The following SIRT5 variants were observed in gnomAD, a reference collection of about 807,000 sequenced individuals.
The protein encoded by SIRT5 is NAD-dependent protein deacylase sirtuin-5, mitochondrial.
SIRT5 carries 26 observed loss-of-function variants against 40.0 expected under a neutral mutation model. The observed-to-expected ratio is 0.65, with a 90% CI of 0.48 to 0.90. SIRT5 has a LOEUF of 0.90. Ranked by LOEUF, SIRT5 falls within the 40% of genes least tolerant of loss-of-function variation. The pLI is 0.00. For missense variants in SIRT5, 401 were observed against 402.4 expected, an observed-to-expected ratio of 1.00 and a Z score of 0.03; for synonymous variants, 146 against 149.1, an observed-to-expected ratio of 0.98 and a Z score of 0.15.
At chr6:13,597,825 C>T (rs1022671053) in intron 7 of SIRT5, among the ~76,000 whole-genome samples, 3 of 151,980 alleles carry the variant, frequency 2.0e-5, no homozygotes, top group African/African-American at 7.3e-5. Context: ...GGATTACAGG[C>T]GTGAACCACT....
intron 9 of SIRT5, among the ~76,000 whole-genome samples, chr6:13,610,531 G>A (rs1039355098): frequency 1.3e-5 from 2 of 152,174 alleles, no homozygotes; most frequent in Non-Finnish European, 2.9e-5. Flanking sequence ...TCACACTCGG[G>A]GATGAGGTAT....
At position 13,614,920 on chromosome 6, in the gene SIRT5, C is replaced by T. The variant is rs1036939357; in HGVS notation, c.*3055C>T. The T allele has an allele frequency of 3.0e-5, 5 of 167,184 alleles. No individual in the cohort carries two copies. Among genetic ancestry groups the T allele is most frequent in the Admixed American group, 1.3e-4 (2 of 15,972 alleles). The allele number at this position is 167,184 out of a possible 1,614,324, so 10.4% of individuals were successfully genotyped here. On this transcript the variant is annotated 3_prime_UTR_variant, in exon 10 of 10. Transcript: ENST00000606117. ...CCTCCGAAGTGCGGAGCGAACGCAG[C>T]CAAATCTACACAAAGACTGACAAGC...
intron 7 of SIRT5, among the ~76,000 whole-genome samples, chr6:13,597,904 ATTAAT>A (rs1279162348): frequency 1.3e-5 from 2 of 152,204 alleles, no homozygotes; most frequent in African/African-American, 4.8e-5. Flanking sequence ...TTCATAGAAC[ATTAAT>A]TTAATGTTAC....
intron 1 of SIRT5, among the ~76,000 whole-genome samples, chr6:13,578,066 C>T (rs543469276): frequency 2.6e-5 from 4 of 152,128 alleles, no homozygotes; most frequent in Non-Finnish European, 5.9e-5. Flanking sequence ...GGTGATCATA[C>T]AGTTTTTGTC....
In SIRT5 at chr6:13,607,543, G is replaced by A. The variant is rs1197234829; in HGVS notation, c.858-4247G>A. Among the ~76,000 whole-genome samples the A allele has an allele frequency of 6.6e-6, 1 of 152,184 alleles. No individual in the cohort carries two copies. Among genetic ancestry groups the A allele is most frequent in the Non-Finnish European group, 1.5e-5 (1 of 68,028 alleles). ...CAGCAGGATGATTACATTAACCAAT[G>A]CAAGTGGCGTGAGCAGATGTGCAGC... On this transcript the variant is annotated intron_variant, in intron 9 of 9. Transcript: ENST00000606117. The surrounding 1 kb of genome is among the most constrained non-coding windows in gnomAD (Gnocchi z 4.0).
chr6:13,605,770 G>A (rs1217036691), intron 9 of SIRT5: 2 of 985,076 alleles, frequency 2.0e-6, no homozygotes, highest in Middle Eastern at 5.2e-4. Context: ...CTCAACCCCA[G>A]GGGGCCTTGG....
chr6:13,597,336 T>C (rs894736679), intron 7 of SIRT5, among the ~76,000 whole-genome samples: 1 of 149,256 alleles, frequency 6.7e-6, no homozygotes, highest in Admixed American at 6.8e-5. Context: ...CTGTAACTGG[T>C]CAAATAACAT....
chr6:13,581,390 A>C (rs1197167275), intron 2 of SIRT5, among the ~76,000 whole-genome samples: 1 of 152,224 alleles, frequency 6.6e-6, no homozygotes, highest in African/African-American at 2.4e-5. Context: ...GCATTTTCTC[A>C]TAACTAAATT....
intron 3 of SIRT5, 26 bp downstream of exon 3, chr6:13,584,251 C>A: frequency 6.6e-7 from 1 of 1,520,020 alleles, no homozygotes. Context: ...CATTGCCTCA[C>A]CTGCAGCCAA....
chr6:13,595,090 T>TCATG (rs1354992751), intron 5 of SIRT5, among the ~76,000 whole-genome samples: 4 of 152,192 alleles, frequency 2.6e-5, no homozygotes, highest in Non-Finnish European at 5.9e-5. Flanking sequence ...GGCACATTAG[T>TCATG]CATGGAGTTA....
rs181634670 is a variant in SIRT5, at chr6:13,600,777, A to G, written c.742-57A>G. 1.2e-3 allele frequency: 1,686 copies of G among 1,355,552 alleles called. 3 individuals carry two copies. The highest frequency in any genetic ancestry group is 1.6e-3 in the Non-Finnish European group (1,582 of 974,746). The allele number at this position is 1,355,552 out of a possible 1,614,324, so 84.0% of individuals were successfully genotyped here. ...AGTTTGTGTAAGGTTTTCTGAAATA[A>G]TGTTCCTTCTCCTTGTCGTCTGGCT... On this transcript the variant is annotated intron_variant, in intron 8 of 9. Transcript: ENST00000606117.
intron 9 of SIRT5, among the ~76,000 whole-genome samples, 169 bp downstream of exon 9, chr6:13,601,118 T>G (rs779658265): frequency 1.3e-4 from 20 of 152,228 alleles, no homozygotes; most frequent in Non-Finnish European, 2.2e-4. Flanking sequence ...CACTGTAGAC[T>G]AAGGTAGGGT....
chr6:13,610,717 C>G (rs1763722412), intron 9 of SIRT5, among the ~76,000 whole-genome samples: 1 of 152,198 alleles, frequency 6.6e-6, no homozygotes, highest in South Asian at 2.1e-4. Context: ...TAACCACATA[C>G]TGGCCTGGAA....
At chr6:13,587,984 T>C (rs1453678207) in intron 3 of SIRT5, among the ~76,000 whole-genome samples, 1 of 152,190 alleles carries the variant, frequency 6.6e-6, no homozygotes, top group Admixed American at 6.5e-5. Context: ...CTTTTTTTAA[T>C]CTTCGTAACA....
intron 9 of SIRT5, among the ~76,000 whole-genome samples, chr6:13,605,966 C>T (rs1015888177): frequency 6.6e-6 from 1 of 152,200 alleles, no homozygotes; most frequent in Non-Finnish European, 1.5e-5. Flanking sequence ...TAAGTATCCA[C>T]TATGTATCAG....
intron 2 of SIRT5, 114 bp downstream of exon 2, chr6:13,579,723 C>T (rs1584738113): frequency 6.6e-6 from 1 of 152,214 alleles, no homozygotes; most frequent in Non-Finnish European, 1.5e-5. Flanking sequence ...TCATGACATG[C>T]AAGTTTAATA....
chr6:13,615,000 G>A lies in SIRT5; in HGVS notation c.*3135G>A, dbSNP rs568882138. 1.8e-3 allele frequency: 442 copies of A among 246,240 alleles called. 3 individuals carry two copies. The highest frequency in any genetic ancestry group is 9.2e-3 in the African/African-American group (412 of 44,826). The allele number at this position is 246,240 out of a possible 1,614,324, so 15.3% of individuals were successfully genotyped here. A position where few individuals can be genotyped will look rare whatever the true frequency, so the allele number is the denominator to read the frequency against. On this transcript the variant is annotated 3_prime_UTR_variant, in exon 10 of 10. Coordinates refer to ENST00000606117, the MANE Select transcript of SIRT5 (RefSeq NM_012241.5). ...AAAACGGCGGCGAGCAGCGCCTCGG[G>A]CCCGCGATTACCGGTTTTCTGAGCA...
chr6:13,578,618 A>G (rs1472252219), intron 1 of SIRT5, among the ~76,000 whole-genome samples: 2 of 140,066 alleles, frequency 1.4e-5, no homozygotes, highest in Non-Finnish European at 3.0e-5. Flanking sequence ...CTCCATCTCA[A>G]AAAAAAAAAA....
At chr6:13,593,128 T>C (rs1197538847) in intron 5 of SIRT5, among the ~76,000 whole-genome samples, 1 of 152,066 alleles carries the variant, frequency 6.6e-6, no homozygotes, top group Non-Finnish European at 1.5e-5. Context: ...TCCAGGCTGG[T>C]CTCAAACTCT....
Sources: gnomAD v4.1 joint callset for allele counts (sites outside exome capture counted in the v4.1 genomes callset) on GRCh38, gnomAD v4.1.1 for gene constraint, Gnocchi (gnomAD v3.1) non-coding constraint, MANE v1.5 for transcripts, NCBI Gene and HGNC (gene_info 2026-07-23, HGNC 2026-07-21) for gene names.